Variants in ZSCAN5A observed in about 807,000 individuals in gnomAD.
ZSCAN5A encodes zinc finger and SCAN domain-containing protein 5A.
ZSCAN5A carries 12 observed loss-of-function variants against 23.7 expected under a neutral mutation model. That is an observed-to-expected ratio of 0.51 (90% CI 0.32 to 0.82). The LOEUF (loss-of-function observed/expected upper bound fraction) is 0.82, where lower values mean the gene tolerates loss of function less well. ZSCAN5A is among the 40% of genes least tolerant of loss of function. The pLI is 0.03. For missense variants in ZSCAN5A, 597 were observed against 617.9 expected, an observed-to-expected ratio of 0.97 and a Z score of 0.36; for synonymous variants, 257 against 239.9, an observed-to-expected ratio of 1.07 and a Z score of -0.66.
At chr19:56,306,203 C>T (rs910317000) in intron 2 of ZSCAN5A, among the ~76,000 whole-genome samples, 1 of 152,184 alleles carries the variant, frequency 6.6e-6, no homozygotes, top group Non-Finnish European at 1.5e-5. Flanking sequence ...CTGGTCAAGG[C>T]TAGGGTCCAG....
At chr19:56,332,159 T>A (rs1448326650) in intron 2 of ZSCAN5A, among the ~76,000 whole-genome samples, 1 of 152,184 alleles carries the variant, frequency 6.6e-6, no homozygotes, top group Admixed American at 6.5e-5. Flanking sequence ...GCTTCAGTGT[T>A]CTGTAAATGT....
At chr19:56,300,608 T>C (rs1477199234) in intron 2 of ZSCAN5A, among the ~76,000 whole-genome samples, 1 of 152,222 alleles carries the variant, frequency 6.6e-6, no homozygotes, top group East Asian at 1.9e-4. Context: ...AGTGTAAACG[T>C]TGAAGAGAGA....
rs536694235 is a variant in ZSCAN5A, at chr19:56,325,439, G to T, written c.-357-9171C>A. ...GCTTTGTTTGGCCCAGATTCCAGTTGTATCTACTGGGAGAGGAATTATCCC... is the reference window on the plus strand; with the variant it reads ...GCTTTGTTTGGCCCAGATTCCAGTTTTATCTACTGGGAGAGGAATTATCCC... On this transcript the variant is annotated intron_variant, in intron 2 of 6. Coordinates refer to the ZSCAN5A transcript ENST00000587340. Among the ~76,000 whole-genome samples the T allele has an allele frequency of 2.0e-5, 3 of 152,302 alleles. No homozygotes were observed. In the East Asian group the frequency reaches 5.8e-4, roughly 29 times the overall value.
intron 2 of ZSCAN5A, chr19:56,297,486 T>G: frequency 3.1e-6 from 3 of 981,066 alleles, no homozygotes; most frequent in South Asian, 9.5e-5. Flanking sequence ...CTTTTTCTCC[T>G]CCATCTCTTC....
intron 2 of ZSCAN5A, among the ~76,000 whole-genome samples, chr19:56,333,364 T>C (rs1439973280): frequency 6.6e-6 from 1 of 152,052 alleles, no homozygotes; most frequent in East Asian, 1.9e-4. Context: ...TTTAATTCTT[T>C]TTTTTGTTTG....
At chr19:56,283,817 T>C (rs948428758) in intron 2 of ZSCAN5A, 6 of 152,122 alleles carry the variant, frequency 3.9e-5, no homozygotes, top group African/African-American at 1.4e-4. Flanking sequence ...AGGGCTGGTG[T>C]GGGGTAAATA....
intron 2 of ZSCAN5A, among the ~76,000 whole-genome samples, chr19:56,325,691 G>A (rs930732747): frequency 5.3e-5 from 8 of 151,914 alleles, no homozygotes; most frequent in African/African-American, 1.9e-4. Flanking sequence ...GTTAAGGAGG[G>A]AGAATTCATT....
At chr19:56,239,155 A>C (rs530741763) in intron 2 of ZSCAN5A, among the ~76,000 whole-genome samples, 16 of 152,342 alleles carry the variant, frequency 1.1e-4, no homozygotes, top group Non-Finnish European at 2.4e-4. Context: ...AGGGAGCTTG[A>C]AGTTCACAAA....
intron 2 of ZSCAN5A, among the ~76,000 whole-genome samples, chr19:56,241,890 A>G (rs1421213360): frequency 6.6e-6 from 1 of 152,142 alleles, no homozygotes; most frequent in Non-Finnish European, 1.5e-5. Flanking sequence ...GATTTGTTAC[A>G]TGAGTGTATT....
At chr19:56,247,714 C>T (rs1021622482) in intron 2 of ZSCAN5A, among the ~76,000 whole-genome samples, 4 of 150,990 alleles carry the variant, frequency 2.6e-5, no homozygotes, top group Non-Finnish European at 4.4e-5. Context: ...TTTTTTGAGA[C>T]GGAGTCTTGT....
intron 2 of ZSCAN5A, among the ~76,000 whole-genome samples, chr19:56,353,736 C>A (rs147413830): frequency 0.054 from 8,247 of 151,956 alleles, 290 homozygotes; most frequent in Middle Eastern, 0.12. Context: ...GAACCGAGAT[C>A]GTGCCACTGC....
chr19:56,354,216 G>A (rs1353347422), intron 2 of ZSCAN5A, among the ~76,000 whole-genome samples: 7 of 151,756 alleles, frequency 4.6e-5, no homozygotes, highest in Admixed American at 3.3e-4. Context: ...GATGGATGGT[G>A]GTGATGGTTG....
chr19:56,249,012 C>A (rs1371221130), intron 2 of ZSCAN5A, among the ~76,000 whole-genome samples: 4 of 151,934 alleles, frequency 2.6e-5, no homozygotes, highest in African/African-American at 9.7e-5. Flanking sequence ...TTTTCACTGC[C>A]CCCCCCGAAT....
At chr19:56,308,488 T>A (rs530167232) in intron 2 of ZSCAN5A, among the ~76,000 whole-genome samples, 1 of 152,118 alleles carries the variant, frequency 6.6e-6, no homozygotes, top group Non-Finnish European at 1.5e-5. Context: ...CACACCTGGC[T>A]AATTTTTGTA....
At chr19:56,297,970 G>A (rs2039985484) in intron 2 of ZSCAN5A, 1 of 151,984 alleles carries the variant, frequency 6.6e-6, no homozygotes, top group Non-Finnish European at 1.5e-5. Flanking sequence ...AGCTACCCGG[G>A]AGGCTGAGGC....
chr19:56,318,606 T>C (rs891544843), upstream of ZSCAN5A, among the ~76,000 whole-genome samples: 36 of 152,220 alleles, frequency 2.4e-4, no homozygotes, highest in African/African-American at 8.4e-4. Context: ...TTGCAAGTTA[T>C]AGCATCACTG....
At position 56,285,328 on chromosome 19, in the gene ZSCAN5A, C is replaced by G. The variant is rs2039024304; in HGVS notation, c.-128+27955G>C. Reference sequence around the variant, plus strand: ...TCAAAATCATTCTCTTCACCACATTCCCGGCTCTGCTCTCTAGAAGCAAGC... The same window carrying G: ...TCAAAATCATTCTCTTCACCACATTGCCGGCTCTGCTCTCTAGAAGCAAGC... On this transcript the variant is annotated intron_variant, in intron 2 of 5. Transcript: ENST00000683990. 2.6e-5 allele frequency among the ~76,000 whole-genome samples: 4 copies of G among 152,222 alleles called. No homozygotes were observed. The South Asian group carries it at 8.3e-4, about 31-fold the overall frequency.
chr19:56,252,565 A>G (rs912249418), intron 2 of ZSCAN5A, among the ~76,000 whole-genome samples: 31 of 152,180 alleles, frequency 2.0e-4, no homozygotes, highest in Admixed American at 5.2e-4. Flanking sequence ...AGCCAGGGGT[A>G]CTGCACAGGG....
intron 2 of ZSCAN5A, among the ~76,000 whole-genome samples, chr19:56,232,052 A>G (rs1248198116): frequency 7.4e-6 from 1 of 134,796 alleles, no homozygotes; most frequent in East Asian, 2.2e-4. Context: ...CAGTGGTATG[A>G]TCACGGCTCA....
Sources: gnomAD v4.1 joint callset for allele counts (sites outside exome capture counted in the v4.1 genomes callset) on GRCh38, gnomAD v4.1.1 for gene constraint, MANE v1.5 for transcripts, NCBI Gene and HGNC (gene_info 2026-07-23, HGNC 2026-07-21) for gene names.